The following ATXN10 variants were observed in gnomAD, a reference collection of about 807,000 sequenced individuals.
The protein encoded by ATXN10 is ataxin-10.
A neutral mutation model predicts 52.9 loss-of-function variants in ATXN10; 28 were observed. The observed-to-expected ratio is 0.53, with a 90% CI of 0.39 to 0.73. ATXN10 has a LOEUF of 0.73. Among genes scored for constraint, ATXN10 ranks in the 30% least tolerant of loss-of-function variants. The probability of loss-of-function intolerance (pLI) is 0.00; values close to 1 mark genes in which losing one functional copy is unlikely to be tolerated. For missense variants in ATXN10, 565 were observed against 577.0 expected (o/e 0.98, Z 0.21); for synonymous variants, 226 against 221.5 (o/e 1.02, Z -0.18).
intron 9 of ATXN10, among the ~76,000 whole-genome samples, chr22:45,799,416 A>C (rs1409905075): frequency 1.3e-5 from 2 of 152,186 alleles, no homozygotes; most frequent in African/African-American, 4.8e-5. Context: ...GTAATTACTT[A>C]AGACGAGATC....
At chr22:45,704,177 C>G (rs1199236543) in intron 5 of ATXN10, 1 of 139,038 alleles carries the variant, frequency 7.2e-6, no homozygotes, top group Non-Finnish European at 1.5e-5. Flanking sequence ...ACTACAGTGT[C>G]TTGATTACCG....
chr22:45,769,635 C>T lies in ATXN10; in HGVS notation c.1173+29097C>T, dbSNP rs1305105014. 6.6e-6 allele frequency among the ~76,000 whole-genome samples: 1 copy of T among 152,120 alleles called. No individual in the cohort carries two copies. The highest frequency in any genetic ancestry group is 1.9e-4 in the East Asian group (1 of 5,182). ...GTTTGGCTGAAGCTAGAGAGAATCTCAAATAGACTTGGTCAAGAAAAGAAG... is the reference window on the plus strand; with the variant it reads ...GTTTGGCTGAAGCTAGAGAGAATCTTAAATAGACTTGGTCAAGAAAAGAAG... On this transcript the variant is annotated intron_variant, in intron 9 of 11. Transcript: ENST00000252934. The surrounding 1 kb of genome is among the most constrained non-coding windows in gnomAD (Gnocchi z 4.2).
chr22:45,742,317 T>C (rs1035922373), intron 9 of ATXN10, among the ~76,000 whole-genome samples: 2 of 152,132 alleles, frequency 1.3e-5, no homozygotes, highest in Non-Finnish European at 2.9e-5. Context: ...CTGTTCTCAA[T>C]TGAAAAGATG....
intron 1 of ATXN10, among the ~76,000 whole-genome samples, chr22:45,687,028 C>T (rs915544807): frequency 5.3e-5 from 8 of 152,010 alleles, no homozygotes; most frequent in African/African-American, 1.7e-4. Flanking sequence ...ACTGCAAACG[C>T]GAATTATTGT....
rs1263443011 is a variant in ATXN10 at position 45,759,066 on chromosome 22, A to T, written c.1173+18528A>T. 1.3e-5 allele frequency among the ~76,000 whole-genome samples: 2 copies of T among 152,258 alleles called. No homozygotes were observed. Among genetic ancestry groups the T allele is most frequent in the Non-Finnish European group, 2.9e-5 (2 of 68,052 alleles). ...GGCAGTATATCTCATATCTTTAAAG[A>T]TAACTTTAGAAACTTACTGCCAGAG... is the stretch of plus-strand genomic sequence containing the variant. On this transcript the variant is annotated intron_variant, in intron 9 of 11. Transcript: ENST00000252934. This position sits in a 1 kb window ranked among gnomAD's most constrained non-coding sequence, Gnocchi z 5.4.
At chr22:45,782,796 T>C (rs1352942999) in intron 9 of ATXN10, among the ~76,000 whole-genome samples, 3 of 152,212 alleles carry the variant, frequency 2.0e-5, no homozygotes, top group African/African-American at 7.2e-5. Context: ...TCTCTTCTTA[T>C]CCATGGGGGA....
chr22:45,723,446 GA>G (rs1218432709), intron 6 of ATXN10, among the ~76,000 whole-genome samples: 2 of 152,022 alleles, frequency 1.3e-5, no homozygotes, highest in African/African-American at 4.8e-5. Context: ...GTATAGTGGT[GA>G]AGTCGGCGAT....
chr22:45,785,853 C>T (rs200549760), intron 9 of ATXN10, among the ~76,000 whole-genome samples: 6 of 152,174 alleles, frequency 3.9e-5, no homozygotes, highest in East Asian at 1.9e-4. Context: ...TCCTCCTGGA[C>T]CAAACGTGGG....
intron 7 of ATXN10, among the ~76,000 whole-genome samples, chr22:45,735,930 A>G (rs1018007545): frequency 3.3e-5 from 5 of 149,882 alleles, no homozygotes. Flanking sequence ...TAAGACAGTA[A>G]TTTTTCCTGG....
At position 45,770,812 on chromosome 22, in the gene ATXN10, G is replaced by A. The variant is rs1300828862; in HGVS notation, c.1173+30274G>A. Among the ~76,000 whole-genome samples the A allele has an allele frequency of 6.6e-6, 1 of 152,224 alleles. No homozygotes were observed. Among genetic ancestry groups the A allele is most frequent in the African/African-American group, 2.4e-5 (1 of 41,464 alleles). ...GCCTTGCTGGGACCCTTTAGCCAGT[G>A]AATTGTTTCATTTGGTCCCATGGCC... On this transcript the variant is annotated intron_variant, in intron 9 of 11. Transcript: ENST00000252934. This position sits in a 1 kb window ranked among gnomAD's most constrained non-coding sequence, Gnocchi z 4.5.
At chr22:45,838,076 C>A (rs919102755) in intron 10 of ATXN10, among the ~76,000 whole-genome samples, 9 of 152,174 alleles carry the variant, frequency 5.9e-5, no homozygotes, top group African/African-American at 2.2e-4. Context: ...TCAGACAATT[C>A]CAGTTTTAAC....
At position 45,715,579 on chromosome 22, in the gene ATXN10, C is replaced by T. The variant is rs1645731783; in HGVS notation, c.648-2834C>T. Among the ~76,000 whole-genome samples, 1 of 152,028 alleles carries T rather than the reference C, an allele frequency of 6.6e-6. No homozygotes were observed. Among genetic ancestry groups the T allele is most frequent in the South Asian group, 2.1e-4 (1 of 4,798 alleles). On this transcript the variant is annotated intron_variant, in intron 5 of 11. Transcript: ENST00000252934. The surrounding 1 kb of genome is among the most constrained non-coding windows in gnomAD (Gnocchi z 4.4). ...ATTAGCTATTCTTAGTATATTTTAT[C>T]TGTGCCCCAAGACAATTCTTCTTCC...
At chr22:45,802,767 C>T (rs1927969751) in intron 9 of ATXN10, among the ~76,000 whole-genome samples, 1 of 152,148 alleles carries the variant, frequency 6.6e-6, no homozygotes, top group South Asian at 2.1e-4. Context: ...TGTGTGATTT[C>T]ATTTCCTTCA....
chr22:45,701,234 A>G lies in ATXN10; in HGVS notation c.488+856A>G, dbSNP rs1302294352. On this transcript the variant is annotated intron_variant, in intron 4 of 11. Transcript: ENST00000252934. The surrounding 1 kb of genome is among the most constrained non-coding windows in gnomAD (Gnocchi z 4.2). The stretch of plus-strand genomic sequence containing the variant: ...TTTTTCTGTTCTCACAATAGCCTGC[A>G]GAGTAAGTGTTACTGTCTCCCCATT... 1.3e-5 allele frequency among the ~76,000 whole-genome samples: 2 copies of G among 152,218 alleles called. No homozygotes were observed. Among genetic ancestry groups the G allele is most frequent in the Non-Finnish European group, 2.9e-5 (2 of 68,038 alleles).
At chr22:45,689,365 G>A in intron 1 of ATXN10, 1 of 362,306 alleles carries the variant, frequency 2.8e-6, no homozygotes, top group South Asian at 2.4e-5. Flanking sequence ...AGGCCAGAGT[G>A]CTTCACTTGG....
At chr22:45,673,880 G>A (rs1922575104) in intron 1 of ATXN10, 1 of 152,116 alleles carries the variant, frequency 6.6e-6, no homozygotes, top group African/African-American at 2.4e-5. Flanking sequence ...CATAGATAAG[G>A]TTTCTCGTAC....
At position 45,840,658 on chromosome 22, in the gene ATXN10, C is replaced by T. The variant is rs1929318087; in HGVS notation, c.1238-2333C>T. Among the ~76,000 whole-genome samples the T allele has an allele frequency of 6.6e-6, 1 of 152,200 alleles. No homozygotes were observed. The highest frequency in any genetic ancestry group is 6.5e-5 in the Admixed American group (1 of 15,284). On this transcript the variant is annotated intron_variant, in intron 10 of 11. Transcript: ENST00000252934. This position sits in a 1 kb window ranked among gnomAD's most constrained non-coding sequence, Gnocchi z 5.8. The stretch of plus-strand genomic sequence containing the variant: ...GTGGAGCAGTTTGATAGTCCCTTTC[C>T]TCCAGAGACATCCTGCGTTTGCTGC...
Position 45,775,037 on chromosome 22 carries a change from T to G in ATXN10, c.1174-31922T>G, listed in dbSNP as rs1007793575. Among the ~76,000 whole-genome samples, 1 of 152,246 alleles carries G rather than the reference T, an allele frequency of 6.6e-6. No individual in the cohort carries two copies. The highest frequency in any genetic ancestry group is 1.5e-5 in the Non-Finnish European group (1 of 68,040). The stretch of plus-strand genomic sequence containing the variant: ...TTTCCCCATCCCTTTTTCTGGTAGT[T>G]TGTAAAACTTTAGTGTTGTATTACC... On this transcript the variant is annotated intron_variant, in intron 9 of 11. Coordinates refer to ENST00000252934, the MANE Select transcript of ATXN10 (RefSeq NM_013236.4). This position sits in a 1 kb window ranked among gnomAD's most constrained non-coding sequence, Gnocchi z 4.7.
chr22:45,844,510 A>G lies in ATXN10; in HGVS notation c.*839A>G, dbSNP rs1929447306. ...ATAAAGGTGCCACTCAGTTTTAGCC[A>G]TGTCTTCACTGAAATTGCAAAAGTA... On this transcript the variant is annotated 3_prime_UTR_variant, in exon 12 of 12. Transcript: ENST00000252934. 2 of 152,206 alleles carry G rather than the reference A, an allele frequency of 1.3e-5. No individual in the cohort carries two copies. 9.4% of individuals were successfully genotyped at this position (152,206 alleles called of 1,614,324 possible).
Sources: gnomAD v4.1 joint callset for allele counts (sites outside exome capture counted in the v4.1 genomes callset) on GRCh38, gnomAD v4.1.1 for gene constraint, Gnocchi (gnomAD v3.1) non-coding constraint, MANE v1.5 for transcripts, NCBI Gene and HGNC (gene_info 2026-07-23, HGNC 2026-07-21) for gene names.